The following NRG1 variants were observed in gnomAD, a reference collection of about 807,000 sequenced individuals.
The protein encoded by NRG1 is pro-neuregulin-1, membrane-bound isoform.
A neutral mutation model predicts 63.8 loss-of-function variants in NRG1; 18 were observed. The ratio of observed to expected loss-of-function variants is 0.28; its 90% confidence interval spans 0.19 to 0.42. The LOEUF is 0.42. NRG1 is among the 10% of genes least tolerant of loss of function. The pLI is 1.00. For missense variants in NRG1, 762 were observed against 814.7 expected (o/e 0.94, Z 0.79); for synonymous variants, 302 against 301.3 (o/e 1.00, Z -0.02).
intron 1 of NRG1, among the ~76,000 whole-genome samples, chr8:31,676,166 G>C (rs1302505505): frequency 6.6e-6 from 1 of 152,048 alleles, no homozygotes; most frequent in Non-Finnish European, 1.5e-5. Context: ...ATTAGTGGTG[G>C]GTCTTAGAGA....
intron 1 of NRG1, among the ~76,000 whole-genome samples, chr8:32,056,487 T>C (rs1424053775): frequency 6.6e-6 from 1 of 152,166 alleles, no homozygotes; most frequent in Admixed American, 6.6e-5. Flanking sequence ...TTGTCTGTCA[T>C]AGTATTGATT....
chr8:32,763,411 C>A, intron 11 of NRG1: 1 of 1,586,044 alleles, frequency 6.3e-7, no homozygotes, highest in Non-Finnish European at 8.6e-7. Context: ...GAGCCTTGGT[C>A]CTTATATAAG....
In NRG1 at chr8:32,427,780, T is replaced by C. The variant is rs138742328; in HGVS notation, c.38-168048T>C. 5.4e-3 allele frequency among the ~76,000 whole-genome samples: 818 copies of C among 152,302 alleles called. 9 individuals are homozygous for C. The highest frequency in any genetic ancestry group is 0.018 in the African/African-American group (747 of 41,578). On this transcript the variant is annotated intron_variant, in intron 1 of 10. Coordinates refer to the NRG1 transcript ENST00000519301. ...GGATAAGCTCTCTTTTAGTCACCAATTGGAGAAATATGCTCAGTGTCAAGG... is the reference window on the plus strand; with the variant it reads ...GGATAAGCTCTCTTTTAGTCACCAACTGGAGAAATATGCTCAGTGTCAAGG...
chr8:32,131,014 A>T (rs1834741526), intron 1 of NRG1, among the ~76,000 whole-genome samples: 1 of 151,982 alleles, frequency 6.6e-6, no homozygotes, highest in Non-Finnish European at 1.5e-5. Context: ...CATATGGCAA[A>T]AGGCAGAGTT....
At chr8:32,151,619 A>C (rs726084) in intron 1 of NRG1, among the ~76,000 whole-genome samples, 21,118 of 152,048 alleles carry the variant, frequency 0.14, 1,999 homozygotes, top group East Asian at 0.33. Context: ...GTAAGTCTCT[A>C]TACTTGCTGG....
At chr8:32,605,821 A>G (rs765857333) in intron 3 of NRG1, 138 bp downstream of exon 3, 50 of 992,086 alleles carry the variant, frequency 5.0e-5, no homozygotes, top group Non-Finnish European at 6.5e-5. Flanking sequence ...CAGATGTTTC[A>G]AGGATCTTGT....
chr8:31,759,153 T>C (rs1166349188), intron 1 of NRG1, among the ~76,000 whole-genome samples: 4 of 152,152 alleles, frequency 2.6e-5, no homozygotes, highest in African/African-American at 9.6e-5. Context: ...ATGATTCTAA[T>C]ATGGGAATTG....
At chr8:32,234,562 T>C (rs893328732) in intron 1 of NRG1, among the ~76,000 whole-genome samples, 5 of 152,200 alleles carry the variant, frequency 3.3e-5, no homozygotes, top group African/African-American at 1.2e-4. Flanking sequence ...CATTCCATAT[T>C]CTTCCCATTT....
chr8:32,697,434 T>G (rs940656439), intron 5 of NRG1, among the ~76,000 whole-genome samples: 1 of 152,252 alleles, frequency 6.6e-6, no homozygotes, highest in Non-Finnish European at 1.5e-5. Flanking sequence ...TAGTGCTGAA[T>G]ACTTGTCTCT....
chr8:32,331,442 G>T (rs986772927), intron 1 of NRG1, among the ~76,000 whole-genome samples: 1 of 151,914 alleles, frequency 6.6e-6, no homozygotes, highest in Non-Finnish European at 1.5e-5. Flanking sequence ...AAGCTGGGAG[G>T]ATTGCTAGAG....
At chr8:32,138,493 T>A (rs1264869083) in intron 1 of NRG1, among the ~76,000 whole-genome samples, 2 of 151,830 alleles carry the variant, frequency 1.3e-5, no homozygotes, top group Non-Finnish European at 2.9e-5. Context: ...CAGGACACAT[T>A]GGTATGCACA....
intron 1 of NRG1, among the ~76,000 whole-genome samples, chr8:32,201,869 A>G (rs1843532055): frequency 6.6e-6 from 1 of 152,216 alleles, no homozygotes; most frequent in African/African-American, 2.4e-5. Context: ...GGACCTCAAG[A>G]AGTTAATGTG....
chr8:32,280,941 A>G (rs1296192474), intron 1 of NRG1, among the ~76,000 whole-genome samples: 6 of 149,512 alleles, frequency 4.0e-5, no homozygotes, highest in African/African-American at 1.5e-4. Flanking sequence ...TTGTATTTTT[A>G]GTAGAGACGG....
intron 1 of NRG1, among the ~76,000 whole-genome samples, chr8:32,448,313 C>T (rs1820523237): frequency 6.6e-6 from 1 of 152,146 alleles, no homozygotes; most frequent in South Asian, 2.1e-4. Flanking sequence ...TTGCCAATGA[C>T]TAATGTTTAA....
chr8:32,477,835 A>G (rs1308085302), intron 1 of NRG1, among the ~76,000 whole-genome samples: 1 of 152,194 alleles, frequency 6.6e-6, no homozygotes, highest in African/African-American at 2.4e-5. Context: ...TTAACTCCAT[A>G]TATAATTTAA....
intron 1 of NRG1, among the ~76,000 whole-genome samples, chr8:31,809,738 ATTGTT>A (rs1822673271): frequency 1.2e-5 from 1 of 83,042 alleles, no homozygotes; most frequent in Non-Finnish European, 2.6e-5. Flanking sequence ...CCTTCTATTA[ATTGTT>A]TTTTTTTTTT....
At chr8:32,496,363 C>T (rs1563544403) in intron 1 of NRG1, among the ~76,000 whole-genome samples, 1 of 152,154 alleles carries the variant, frequency 6.6e-6, no homozygotes, top group Non-Finnish European at 1.5e-5. Flanking sequence ...AGGAACATTG[C>T]TTTAGCCCAG....
At chr8:32,755,163 G>C (rs1192093212) in intron 8 of NRG1, among the ~76,000 whole-genome samples, 1 of 152,248 alleles carries the variant, frequency 6.6e-6, no homozygotes, top group African/African-American at 2.4e-5. Context: ...GAAAACATTA[G>C]AATAGATTTG....
intron 1 of NRG1, among the ~76,000 whole-genome samples, chr8:32,347,050 C>T (rs754989729): frequency 1.3e-5 from 2 of 151,886 alleles, no homozygotes; most frequent in Non-Finnish European, 2.9e-5. Flanking sequence ...CAGATGGTCT[C>T]GATCTCCTGA....
Sources: gnomAD v4.1 joint callset for allele counts (sites outside exome capture counted in the v4.1 genomes callset) on GRCh38, gnomAD v4.1.1 for gene constraint, MANE v1.5 for transcripts, NCBI Gene and HGNC (gene_info 2026-07-23, HGNC 2026-07-21) for gene names.